HERC1: variants seen among roughly 807,000 people sequenced by gnomAD.
HERC1 encodes probable E3 ubiquitin-protein ligase HERC1.
In HERC1, 160 loss-of-function variants were observed where a neutral mutation model predicts 554.3. That is an observed-to-expected ratio of 0.29 (90% confidence interval 0.25 to 0.33). The LOEUF (loss-of-function observed/expected upper bound fraction) is 0.33, where lower values mean the gene tolerates loss of function less well. HERC1 is among the 10% of genes least tolerant of loss of function. HERC1 has a pLI of 1.00. For synonymous variants in HERC1, 2,175 were observed against 2,131.7 expected (o/e 1.02, Z -0.56); for missense variants, 4,919 against 5,918.5 (o/e 0.83, Z 5.54).
rs188805187 is a variant in HERC1, at chr15:63,830,341, C to T, written c.-27+3486G>A. 1.8e-4 allele frequency among the ~76,000 whole-genome samples: 28 copies of T among 152,254 alleles called. No individual in the cohort carries two copies. The East Asian group carries it at 5.0e-3, about 27-fold the overall frequency. On this transcript the variant is annotated intron_variant, in intron 1 of 77. Coordinates refer to ENST00000443617, the MANE Select transcript of HERC1 (RefSeq NM_003922.4). ...TTTTCTTGCAAAACATGCTTAACCT[C>T]AATCAAATCATGAGAAAAAACATCA...
At chr15:63,669,377 G>C (rs1038151738) in intron 40 of HERC1, among the ~76,000 whole-genome samples, 161 bp downstream of exon 40, 12 of 152,206 alleles carry the variant, frequency 7.9e-5, no homozygotes, top group Non-Finnish European at 1.5e-4. Context: ...TCAATCCACA[G>C]CTTCAACATG....
At chr15:63,712,696 T>G in intron 24 of HERC1, 79 bp downstream of exon 24, 2 of 1,312,242 alleles carry the variant, frequency 1.5e-6, no homozygotes. Context: ...ACAAACATAT[T>G]ACTTACTCTA....
intron 1 of HERC1, among the ~76,000 whole-genome samples, chr15:63,794,367 T>C (rs2076746911): frequency 6.6e-6 from 1 of 152,196 alleles, no homozygotes; most frequent in African/African-American, 2.4e-5. Context: ...AGTCTTTTTG[T>C]GGTTCTATGG....
At chr15:63,662,194 G>A (rs772765172) in intron 44 of HERC1, among the ~76,000 whole-genome samples, 173 bp from the exon 45 acceptor site, 12 of 151,812 alleles carry the variant, frequency 7.9e-5, no homozygotes, top group East Asian at 3.9e-4. Context: ...TAACACAATC[G>A]GAAGGTGTTC....
At chr15:63,695,061 G>A (rs950128939) in intron 27 of HERC1, among the ~76,000 whole-genome samples, 167 bp from the exon 28 acceptor site, 1 of 151,836 alleles carries the variant, frequency 6.6e-6, no homozygotes, top group African/African-American at 2.4e-5. Context: ...TTTGAGGCAG[G>A]GTCTTGCTGT....
At position 63,797,772 on chromosome 15, in the gene HERC1, A is replaced by C. The variant is rs1346791190; in HGVS notation, c.-26-22123T>G. Among the ~76,000 whole-genome samples the C allele has an allele frequency of 2.6e-5, 4 of 152,354 alleles. No homozygotes were observed. The East Asian group carries it at 5.8e-4, about 22-fold the overall frequency. On this transcript the variant is annotated intron_variant, in intron 1 of 77. Coordinates refer to ENST00000443617, the MANE Select transcript of HERC1 (RefSeq NM_003922.4). The stretch of plus-strand genomic sequence containing the variant: ...AGGGAAAACCTGTCAGGAGATTACA[A>C]AATGTTTACTGTATACCTATGAGAT...
intron 12 of HERC1, among the ~76,000 whole-genome samples, chr15:63,744,413 C>T (rs942471102): frequency 7.9e-5 from 12 of 152,122 alleles, no homozygotes; most frequent in African/African-American, 2.7e-4. Flanking sequence ...CCAGCCAGGC[C>T]GTGTCCTTCC....
At position 63,758,357 on chromosome 15, in the gene HERC1, C is replaced by T; in HGVS notation, c.1039G>A (p.Ala347Thr). 1 of 1,586,158 alleles carries T rather than the reference C, an allele frequency of 6.3e-7. No individual in the cohort carries two copies. The highest frequency in any genetic ancestry group is 8.6e-7 in the Non-Finnish European group (1 of 1,157,792). ...GCACATGTTCTCGAATAATCAGAAGCCATTCTGCAAACCTATTAAAAATTT... is the reference window on the plus strand; with the variant it reads ...GCACATGTTCTCGAATAATCAGAAGTCATTCTGCAAACCTATTAAAAATTT... The part of the protein sequence containing the change: ...LCLFEEVCRM[A>T]SDYSRTCASP... The change falls in exon 4 of 78, where the codon GCT (alanine) becomes ACT (threonine). Residue 347 changes from alanine (A) to threonine (T), a missense_variant. Physicochemically the swap from Ala to Thr is moderately conservative, Grantham distance 58. Transcript: ENST00000443617. The surrounding 1 kb of genome is among the most constrained non-coding windows in gnomAD (Gnocchi z 4.0).
At chr15:63,783,790 G>A (rs771388637) in intron 1 of HERC1, among the ~76,000 whole-genome samples, 2 of 152,128 alleles carry the variant, frequency 1.3e-5, no homozygotes, top group South Asian at 2.1e-4. Flanking sequence ...TGATCGGGCC[G>A]GGTGCAGTGG....
intron 54 of HERC1, among the ~76,000 whole-genome samples, chr15:63,648,764 A>G (rs1018077943): frequency 2.6e-5 from 4 of 152,194 alleles, no homozygotes; most frequent in Admixed American, 6.5e-5. Context: ...TAGACAGGAG[A>G]AAGACTTTTC....
intron 2 of HERC1, among the ~76,000 whole-genome samples, chr15:63,767,971 A>T (rs1251632631): frequency 6.6e-6 from 1 of 152,166 alleles, no homozygotes; most frequent in South Asian, 2.1e-4. Flanking sequence ...TTTACTATGT[A>T]AAGCTTCCTG....
In HERC1 at chr15:63,714,241, A is replaced by C. The variant is rs141670849; in HGVS notation, c.4151-576T>G. ...AAATTTAAGTTATATTAGTTACAACAAAAAATTCCCTTTCCCCTTCCAAAG... is the reference window on the plus strand; with the variant it reads ...AAATTTAAGTTATATTAGTTACAACCAAAAATTCCCTTTCCCCTTCCAAAG... On this transcript the variant is annotated intron_variant, in intron 22 of 77. Transcript: ENST00000443617. Among the ~76,000 whole-genome samples, 74 of 152,320 alleles carry C rather than the reference A, an allele frequency of 4.9e-4. No homozygotes were observed. The East Asian group carries it at 0.014, about 29-fold the overall frequency.
intron 71 of HERC1, 57 bp from the exon 72 acceptor site, chr15:63,624,384 C>T (rs2068210994): frequency 6.9e-7 from 1 of 1,453,698 alleles, no homozygotes; most frequent in South Asian, 1.3e-5. Context: ...AAAGAAATAA[C>T]AATTTTCACT....
chr15:63,678,476 T>C (rs1366671744), intron 36 of HERC1, 111 bp from the exon 37 acceptor site: 5 of 1,268,638 alleles, frequency 3.9e-6, no homozygotes, highest in Non-Finnish European at 5.3e-6. Flanking sequence ...GGTCTCTTCA[T>C]ACATGTGAAT....
At chr15:63,763,849 T>C (rs189826209) in intron 3 of HERC1, among the ~76,000 whole-genome samples, 118 of 152,284 alleles carry the variant, frequency 7.7e-4, no homozygotes, top group African/African-American at 2.7e-3. Flanking sequence ...ATACAACATT[T>C]TTTCAATTAA....
chr15:63,662,294 C>T (rs1311407287), intron 44 of HERC1, among the ~76,000 whole-genome samples: 3 of 151,868 alleles, frequency 2.0e-5, no homozygotes, highest in Non-Finnish European at 4.4e-5. Context: ...ACAATCTGTC[C>T]TATCTCAAAA....
At chr15:63,776,285 C>T (rs1057332663) in intron 1 of HERC1, among the ~76,000 whole-genome samples, 3 of 152,242 alleles carry the variant, frequency 2.0e-5, no homozygotes, top group Non-Finnish European at 2.9e-5. Flanking sequence ...ATATCCAAAA[C>T]TGAGCTCCTA....
At chr15:63,695,940 A>G (rs923539335) in intron 27 of HERC1, among the ~76,000 whole-genome samples, 184 bp downstream of exon 27, 1 of 152,220 alleles carries the variant, frequency 6.6e-6, no homozygotes, top group African/African-American at 2.4e-5. Context: ...CAATAGTACA[A>G]TAATACCACA....
Position 63,634,738 on chromosome 15 carries a change from C to T in HERC1, c.12565G>A (p.Gly4189Arg). Residue 4189 changes from glycine (G) to arginine (R), a missense_variant, in exon 66 of 78, where the codon GGA becomes AGA. Gly to Arg is a moderately radical substitution (Grantham distance 125). Coordinates refer to ENST00000443617, the MANE Select transcript of HERC1 (RefSeq NM_003922.4). ...CTTATTGATTTATTCCATGCCTGTCCAATCTGATATCCCTCCAGTGCAGTC... is the reference window on the plus strand; with the variant it reads ...CTTATTGATTTATTCCATGCCTGTCTAATCTGATATCCCTCCAGTGCAGTC... ...RVTALEGYQI[G>R]QVACGLNHTL... 1 of 1,611,954 alleles carries T rather than the reference C, an allele frequency of 6.2e-7. No individual in the cohort carries two copies. The highest frequency in any genetic ancestry group is 8.5e-7 in the Non-Finnish European group (1 of 1,178,890).
Sources: gnomAD v4.1 joint callset for allele counts (sites outside exome capture counted in the v4.1 genomes callset) on GRCh38, gnomAD v4.1.1 for gene constraint, Gnocchi (gnomAD v3.1) non-coding constraint, MANE v1.5 for transcripts, NCBI Gene and HGNC (gene_info 2026-07-23, HGNC 2026-07-21) for gene names.